The following BTG4 variants were observed in gnomAD, a reference collection of about 807,000 sequenced individuals.
BTG4 encodes BTG anti-proliferation factor 4.
In BTG4, 10 loss-of-function variants were observed where a neutral mutation model predicts 19.3. That is an observed-to-expected ratio of 0.52 (90% CI 0.32 to 0.88). BTG4 has a LOEUF of 0.88. Ranked by LOEUF, BTG4 falls within the 40% of genes least tolerant of loss-of-function variation. The probability of loss-of-function intolerance (pLI) is 0.04; values close to 1 mark genes in which losing one functional copy is unlikely to be tolerated. For synonymous variants in BTG4, 91 were observed against 95.7 expected, an observed-to-expected ratio of 0.95 and a Z score of 0.29; for missense variants, 238 against 281.9, an observed-to-expected ratio of 0.84 and a Z score of 1.11.
At chr11:111,479,534 G>A (rs1490617328) in intron 5 of BTG4, among the ~76,000 whole-genome samples, 1 of 152,012 alleles carries the variant, frequency 6.6e-6, no homozygotes, top group African/African-American at 2.4e-5. Context: ...GGAAACAAAA[G>A]AAAGAACTTG....
chr11:111,446,245 C>T, the BTG4 span, among the ~76,000 whole-genome samples: 1 of 152,194 alleles, frequency 6.6e-6, no homozygotes, highest in African/African-American at 2.4e-5. Context: ...GGCCTCACCT[C>T]CTATTACTGG....
the BTG4 span, among the ~76,000 whole-genome samples, chr11:111,446,771 G>A: frequency 6.6e-6 from 1 of 152,094 alleles, no homozygotes; most frequent in Non-Finnish European, 1.5e-5. Context: ...CAAAGCAGAT[G>A]ACTGAGATGT....
chr11:111,453,682 T>C, the BTG4 span: 1 of 363,306 alleles, frequency 2.8e-6, no homozygotes, highest in Non-Finnish European at 5.5e-6. Flanking sequence ...CAATTCTCAA[T>C]TCCTCTTCAT....
At chr11:111,476,678 G>A (rs1194238417) in intron 5 of BTG4, among the ~76,000 whole-genome samples, 2 of 152,078 alleles carry the variant, frequency 1.3e-5, no homozygotes, top group Non-Finnish European at 2.9e-5. Flanking sequence ...GATTGAAATC[G>A]TGCTTTCATG....
chr11:111,488,302 C>A (rs990607661), intron 5 of BTG4, among the ~76,000 whole-genome samples: 6 of 152,132 alleles, frequency 3.9e-5, no homozygotes, highest in Non-Finnish European at 1.5e-5. Flanking sequence ...TAAGTCCATG[C>A]ATTTATAGTC....
the BTG4 span, among the ~76,000 whole-genome samples, chr11:111,435,953 C>T: frequency 1.3e-5 from 2 of 152,198 alleles, no homozygotes; most frequent in Non-Finnish European, 2.9e-5. Flanking sequence ...GGACCTCCCC[C>T]GCAGAAGAGT....
chr11:111,492,962 A>G (rs1865505377), downstream of BTG4, among the ~76,000 whole-genome samples: 1 of 152,192 alleles, frequency 6.6e-6, no homozygotes, highest in South Asian at 2.1e-4. Flanking sequence ...CGTGGCCAAC[A>G]TGGTGAAATG....
chr11:111,478,896 T>C (rs1426776921), intron 5 of BTG4, among the ~76,000 whole-genome samples: 1 of 151,738 alleles, frequency 6.6e-6, no homozygotes, highest in Non-Finnish European at 1.5e-5. Context: ...AGATGGAGCA[T>C]TCAAGTAATC....
the BTG4 span, chr11:111,396,837 T>C: frequency 6.6e-6 from 1 of 152,242 alleles, no homozygotes. Flanking sequence ...ATTATTCGAT[T>C]GTTAGTTTCT....
chr11:111,455,805 G>A, the BTG4 span: 1 of 456,046 alleles, frequency 2.2e-6, no homozygotes, highest in Non-Finnish European at 4.4e-6. Context: ...CCCAGGTCGT[G>A]CTGCAGGAGG....
At chr11:111,414,038 G>A in the BTG4 span, among the ~76,000 whole-genome samples, 5 of 152,202 alleles carry the variant, frequency 3.3e-5, no homozygotes, top group East Asian at 1.9e-4. Context: ...CGAAATGTCA[G>A]TGTAGGAGCA....
At chr11:111,431,068 G>A in the BTG4 span, among the ~76,000 whole-genome samples, 8 of 152,302 alleles carry the variant, frequency 5.3e-5, no homozygotes, top group Admixed American at 3.3e-4. Context: ...AGTGACGAAA[G>A]GGTTTGATAT....
downstream of BTG4, among the ~76,000 whole-genome samples, chr11:111,492,685 T>C (rs552433303): frequency 6.6e-6 from 1 of 152,314 alleles, no homozygotes; most frequent in Non-Finnish European, 1.5e-5. Flanking sequence ...GAAACAATTA[T>C]AATAGATAAG....
chr11:111,476,405 T>A (rs1864401026), intron 5 of BTG4, among the ~76,000 whole-genome samples: 1 of 152,074 alleles, frequency 6.6e-6, no homozygotes, highest in South Asian at 2.1e-4. Context: ...ATACTAATGG[T>A]AGATTACTTT....
Position 111,486,804 on chromosome 11 carries a change from G to A in BTG4, c.662+8359C>T, listed in dbSNP as rs1025827035. 2.0e-5 allele frequency among the ~76,000 whole-genome samples: 3 copies of A among 152,110 alleles called. No individual in the cohort carries two copies. In the South Asian group the frequency reaches 6.2e-4, roughly 32 times the overall value. On this transcript the variant is annotated intron_variant, in intron 5 of 5. Coordinates refer to the BTG4 transcript ENST00000356018. ...AAGACAAAACCACATGCTTTTAATTGATTTTTTTAAATATTTAATTTTATT... is the reference window on the plus strand; with the variant it reads ...AAGACAAAACCACATGCTTTTAATTAATTTTTTTAAATATTTAATTTTATT...
chr11:111,486,187 G>A (rs977772437), intron 5 of BTG4, among the ~76,000 whole-genome samples: 1 of 152,202 alleles, frequency 6.6e-6, no homozygotes, highest in Admixed American at 6.5e-5. Context: ...TGTAATCCCA[G>A]CACTTTGGAA....
intron 5 of BTG4, among the ~76,000 whole-genome samples, chr11:111,475,610 G>T (rs1318466850): frequency 6.6e-6 from 1 of 152,010 alleles, no homozygotes; most frequent in Non-Finnish European, 1.5e-5. Context: ...CTGATCAGGA[G>T]ATACAACACC....
the BTG4 span, among the ~76,000 whole-genome samples, chr11:111,411,866 G>A: frequency 6.6e-6 from 1 of 152,002 alleles, no homozygotes; most frequent in East Asian, 1.9e-4. Flanking sequence ...TCAGTGTTTG[G>A]CACAGAATAG....
At chr11:111,440,345 CA>C in the BTG4 span, among the ~76,000 whole-genome samples, 2 of 152,234 alleles carry the variant, frequency 1.3e-5, no homozygotes, top group African/African-American at 4.8e-5. Context: ...AAAGAAATTG[CA>C]ACATCTTTAA....
Sources: allele counts gnomAD v4.1 joint callset (sites outside exome capture counted in the v4.1 genomes callset), GRCh38; gene constraint gnomAD v4.1.1; transcripts MANE v1.5; gene names NCBI Gene and HGNC (gene_info 2026-07-23, HGNC 2026-07-21).